Variants in HDAC9 observed in about 807,000 individuals in gnomAD.
The protein encoded by HDAC9 is histone deacetylase 9.
In HDAC9, 41 loss-of-function variants were observed where a neutral mutation model predicts 139.4. That is an observed-to-expected ratio of 0.29 (90% CI 0.23 to 0.38). HDAC9 has a LOEUF of 0.38. Among genes scored for constraint, HDAC9 ranks in the 10% least tolerant of loss-of-function variants. The pLI, the probability that HDAC9 is intolerant of heterozygous loss-of-function variation, is 1.00. For synonymous variants in HDAC9, 517 were observed against 476.2 expected, an observed-to-expected ratio of 1.09 and a Z score of -1.12; for missense variants, 1,147 against 1,297.0, an observed-to-expected ratio of 0.88 and a Z score of 1.78.
chr7:18,826,488 A>AT (rs776817282), intron 17 of HDAC9, among the ~76,000 whole-genome samples: 7 of 152,164 alleles, frequency 4.6e-5, no homozygotes, highest in Non-Finnish European at 7.3e-5. Context: ...AAGTTTGTTG[A>AT]TTTTGGCGAG....
intron 9 of HDAC9, among the ~76,000 whole-genome samples, chr7:18,646,286 T>C (rs1787382141): frequency 6.6e-6 from 1 of 152,144 alleles, no homozygotes; most frequent in Admixed American, 6.5e-5. Flanking sequence ...TGGACCACTT[T>C]TAATGTGGTC....
intron 16 of HDAC9, among the ~76,000 whole-genome samples, chr7:18,786,497 C>CCTTCCTTCCTTCATTCCTTCCTT (rs1791757382): frequency 1.9e-5 from 2 of 105,220 alleles, no homozygotes; most frequent in African/African-American, 6.7e-5. Flanking sequence ...TTCCTTCCTT[C>CCTTCCTTCCTTCATTCCTTCCTT]CTTCCTTCCT....
intron 2 of HDAC9, among the ~76,000 whole-genome samples, chr7:18,177,749 T>C (rs1386008255): frequency 6.6e-6 from 1 of 152,124 alleles, no homozygotes; most frequent in African/African-American, 2.4e-5. Context: ...GGGGTGTATA[T>C]AGAGTGAAGC....
At chr7:18,517,974 A>G (rs1226607466) in intron 2 of HDAC9, 1 of 152,012 alleles carries the variant, frequency 6.6e-6, no homozygotes, top group African/African-American at 2.4e-5. Flanking sequence ...CAGTTCTTTC[A>G]CTCACATGCT....
chr7:18,598,884 T>A (rs1160687482), intron 6 of HDAC9, among the ~76,000 whole-genome samples: 1 of 152,230 alleles, frequency 6.6e-6, no homozygotes, highest in East Asian at 1.9e-4. Flanking sequence ...CAGAGCTCAC[T>A]ATGGTATCCA....
intron 25 of HDAC9, among the ~76,000 whole-genome samples, chr7:18,989,525 A>T (rs1022222967): frequency 5.4e-5 from 8 of 148,976 alleles, no homozygotes; most frequent in Admixed American, 2.0e-4. Flanking sequence ...TCTGACAATT[A>T]TGTGTCTTGG....
At chr7:18,583,806 C>G (rs1462421971) in intron 2 of HDAC9, among the ~76,000 whole-genome samples, 2 of 152,146 alleles carry the variant, frequency 1.3e-5, no homozygotes, top group African/African-American at 4.8e-5. Context: ...TCTGTCTACA[C>G]TGGATCTGTA....
At chr7:18,753,425 G>A (rs1357706049) in intron 14 of HDAC9, among the ~76,000 whole-genome samples, 5 of 151,946 alleles carry the variant, frequency 3.3e-5, no homozygotes, top group Admixed American at 3.3e-4. Context: ...TGAATAACTT[G>A]CCCTCTTTGT....
chr7:18,557,082 A>T (rs1299837243), intron 2 of HDAC9, among the ~76,000 whole-genome samples: 3 of 151,970 alleles, frequency 2.0e-5, no homozygotes, highest in East Asian at 1.9e-4. Flanking sequence ...TTTTTAAATG[A>T]TCTCATTTGT....
intron 1 of HDAC9, among the ~76,000 whole-genome samples, chr7:18,344,640 C>T (rs962444149): frequency 6.6e-6 from 1 of 151,786 alleles, no homozygotes; most frequent in Non-Finnish European, 1.5e-5. Flanking sequence ...AGATAGAATC[C>T]ACATATTTTC....
chr7:18,626,549 G>A (rs950003831), intron 6 of HDAC9, among the ~76,000 whole-genome samples: 4 of 152,204 alleles, frequency 2.6e-5, no homozygotes, highest in Non-Finnish European at 5.9e-5. Context: ...CAGGCACAAT[G>A]AAGGTATCAT....
intron 1 of HDAC9, among the ~76,000 whole-genome samples, chr7:18,110,836 C>G (rs973809057): frequency 6.6e-6 from 1 of 151,978 alleles, no homozygotes; most frequent in Admixed American, 6.6e-5. Flanking sequence ...ATGGGGAAGA[C>G]AAAATGGATA....
At chr7:18,874,669 C>G in intron 22 of HDAC9, 73 bp downstream of exon 22, 1 of 823,622 alleles carries the variant, frequency 1.2e-6, no homozygotes, top group Non-Finnish European at 2.0e-6. Flanking sequence ...TGATAGACAC[C>G]ACCTTTTACA....
intron 21 of HDAC9, among the ~76,000 whole-genome samples, chr7:18,869,729 G>C (rs977448382): frequency 6.6e-6 from 1 of 152,108 alleles, no homozygotes; most frequent in African/African-American, 2.4e-5. Context: ...GACATCTTCT[G>C]TATTGAAGAT....
chr7:18,211,035 T>A (rs1029713504), intron 2 of HDAC9, among the ~76,000 whole-genome samples: 5 of 152,200 alleles, frequency 3.3e-5, no homozygotes, highest in African/African-American at 4.8e-5. Flanking sequence ...TAGTTACCAG[T>A]CAAGATGTAT....
rs59272803 is a variant in HDAC9 at position 18,848,588 on chromosome 7, T to C, written c.2684+12591T>C. Among the ~76,000 whole-genome samples, 1,220 of 152,056 alleles carry C rather than the reference T, an allele frequency of 8.0e-3. 17 individuals carry two copies. Among genetic ancestry groups the C allele is most frequent in the African/African-American group, 0.027 (1,139 of 41,476 alleles). Reference sequence around the variant, plus strand: ...CGCTCTCATCAGGGCCCAACCATCCTGGCACACTGACCTCAAACTTCTAGC... The same window carrying C: ...CGCTCTCATCAGGGCCCAACCATCCCGGCACACTGACCTCAAACTTCTAGC... On this transcript the variant is annotated intron_variant, in intron 21 of 25. Transcript: ENST00000686413.
At chr7:18,858,351 C>G (rs1797846383) in intron 21 of HDAC9, among the ~76,000 whole-genome samples, 1 of 152,158 alleles carries the variant, frequency 6.6e-6, no homozygotes, top group Non-Finnish European at 1.5e-5. Flanking sequence ...AACTTACAAT[C>G]ATGGTGGGAG....
At chr7:18,768,861 C>T (rs567261930) in intron 16 of HDAC9, among the ~76,000 whole-genome samples, 4 of 152,286 alleles carry the variant, frequency 2.6e-5, no homozygotes, top group African/African-American at 9.6e-5. Context: ...TTTGAATATA[C>T]AGCCATTCTA....
At chr7:18,384,996 C>A (rs1785784898) in intron 1 of HDAC9, among the ~76,000 whole-genome samples, 1 of 152,146 alleles carries the variant, frequency 6.6e-6, no homozygotes, top group African/African-American at 2.4e-5. Flanking sequence ...TTTCTATTTA[C>A]CTTTTGCAAA....
Sources: allele counts gnomAD v4.1 joint callset (sites outside exome capture counted in the v4.1 genomes callset), GRCh38; gene constraint gnomAD v4.1.1; transcripts MANE v1.5; gene names NCBI Gene and HGNC (gene_info 2026-07-23, HGNC 2026-07-21).